Variants in RAB40C observed in about 807,000 individuals in gnomAD.
RAB40C encodes the protein ras-related protein Rab-40C.
Under a neutral mutation model 28.1 loss-of-function variants are expected in RAB40C, and 8 were observed. The ratio of observed to expected loss-of-function variants is 0.28; its 90% CI spans 0.17 to 0.51. The LOEUF is 0.51. Ranked by LOEUF, RAB40C falls within the 20% of genes least tolerant of loss-of-function variation. RAB40C has a pLI of 0.97. For missense variants in RAB40C, 288 were observed against 405.9 expected, an observed-to-expected ratio of 0.71 and a Z score of 2.50; for synonymous variants, 201 against 171.7, an observed-to-expected ratio of 1.17 and a Z score of -1.34.
intron 3 of RAB40C, chr16:624,524 C>T: frequency 1.0e-6 from 1 of 985,442 alleles, no homozygotes; most frequent in East Asian, 1.1e-4. Context: ...TGGGGCTACA[C>T]TTCAGTCTTC....
At chr16:624,866 A>G in intron 3 of RAB40C, 5 of 985,462 alleles carry the variant, frequency 5.1e-6, no homozygotes, top group Non-Finnish European at 4.8e-6. Context: ...GCAGGTGGAA[A>G]CAGCCCAGAG....
chr16:625,591 G>A (rs556248685), intron 4 of RAB40C, 82 bp downstream of exon 4: 60 of 1,402,216 alleles, frequency 4.3e-5, no homozygotes, highest in African/African-American at 3.4e-4. Flanking sequence ...CTGGATTCCC[G>A]CCTGCCGCCC....
chr16:605,335 TC>T (rs1474048951), intron 1 of RAB40C, among the ~76,000 whole-genome samples: 1 of 152,236 alleles, frequency 6.6e-6, no homozygotes, highest in East Asian at 1.9e-4. Flanking sequence ...TTGTCAGCTT[TC>T]CGTCTTTTAA....
intron 1 of RAB40C, among the ~76,000 whole-genome samples, chr16:594,469 C>T (rs1204260552): frequency 1.3e-5 from 2 of 152,160 alleles, no homozygotes; most frequent in Admixed American, 6.5e-5. Context: ...AGCGAGGGCA[C>T]CCTGTGTGGG....
chr16:591,587 C>T (rs548181956), intron 1 of RAB40C, among the ~76,000 whole-genome samples: 5 of 151,522 alleles, frequency 3.3e-5, no homozygotes, highest in Non-Finnish European at 5.9e-5. Context: ...GTTTTCTTTT[C>T]TTTTCTTTCT....
At chr16:596,369 C>A (rs1420472044) in intron 1 of RAB40C, 1 of 455,888 alleles carries the variant, frequency 2.2e-6, no homozygotes, top group Non-Finnish European at 4.4e-6. Context: ...TGCCGCCTAC[C>A]CTGGTCTGGA....
chr16:613,585 G>A (rs1048222711), intron 1 of RAB40C, among the ~76,000 whole-genome samples: 3 of 152,256 alleles, frequency 2.0e-5, no homozygotes, highest in African/African-American at 4.8e-5. Flanking sequence ...TCTGCTGAAC[G>A]ATGATGTGGA....
intron 1 of RAB40C, among the ~76,000 whole-genome samples, chr16:602,367 G>A (rs559433210): frequency 1.3e-4 from 20 of 150,986 alleles, no homozygotes; most frequent in Admixed American, 4.0e-4. Context: ...TGATCCTCCC[G>A]CCTCAGCCTC....
intron 1 of RAB40C, among the ~76,000 whole-genome samples, chr16:591,034 G>A (rs1263470962): frequency 3.3e-5 from 5 of 151,518 alleles, no homozygotes; most frequent in African/African-American, 9.7e-5. Flanking sequence ...GGATCATCTG[G>A]GGTCCGAGGA....
chr16:607,251 C>T (rs1034609631), intron 1 of RAB40C, among the ~76,000 whole-genome samples: 1 of 152,154 alleles, frequency 6.6e-6, no homozygotes, highest in Non-Finnish European at 1.5e-5. Flanking sequence ...CATCCCAGCG[C>T]TTTGGGAGGC....
intron 1 of RAB40C, among the ~76,000 whole-genome samples, chr16:609,182 G>C (rs1373092815): frequency 1.3e-5 from 2 of 152,184 alleles, no homozygotes; most frequent in Admixed American, 1.3e-4. Flanking sequence ...CAGCGGTGCT[G>C]CCACGGCTGG....
At chr16:624,897 C>T in intron 3 of RAB40C, 1 of 1,273,578 alleles carries the variant, frequency 7.9e-7, no homozygotes, top group South Asian at 1.3e-5. Flanking sequence ...AGTAATTGGT[C>T]TCTAAGGGAT....
intron 2 of RAB40C, among the ~76,000 whole-genome samples, 180 bp from the exon 3 acceptor site, chr16:618,020 C>T (rs1369424325): frequency 3.3e-5 from 5 of 152,250 alleles, no homozygotes; most frequent in African/African-American, 1.2e-4. Context: ...CCTGGCTCAG[C>T]GGCACGGCGC....
chr16:593,675 C>G (rs1165637754), intron 1 of RAB40C, among the ~76,000 whole-genome samples: 1 of 152,228 alleles, frequency 6.6e-6, no homozygotes, highest in East Asian at 1.9e-4. Flanking sequence ...TTTCTTAGTA[C>G]TGGCACCTGA....
At chr16:592,120 C>T (rs1042739521) in intron 1 of RAB40C, among the ~76,000 whole-genome samples, 2 of 152,236 alleles carry the variant, frequency 1.3e-5, no homozygotes, top group African/African-American at 2.4e-5. Flanking sequence ...AGTCCATCTG[C>T]GCTTCAGGGA....
chr16:613,108 A>G (rs1477911199), intron 1 of RAB40C, among the ~76,000 whole-genome samples: 6 of 97,240 alleles, frequency 6.2e-5, no homozygotes, highest in Non-Finnish European at 1.1e-4. Context: ...AATCAAGAGC[A>G]AGGGACAGCC....
intron 1 of RAB40C, among the ~76,000 whole-genome samples, chr16:613,139 G>A (rs2036517177): frequency 7.5e-6 from 1 of 134,158 alleles, no homozygotes. Context: ...GTAGAATCAA[G>A]AGCAGGGACA....
At chr16:622,734 G>T (rs995334605) in intron 3 of RAB40C, among the ~76,000 whole-genome samples, 4 of 152,200 alleles carry the variant, frequency 2.6e-5, no homozygotes, top group African/African-American at 7.2e-5. Flanking sequence ...TCCATCTCTT[G>T]ACCTCGTGAT....
intron 1 of RAB40C, among the ~76,000 whole-genome samples, chr16:595,677 A>ACTG (rs2036103501): frequency 6.9e-6 from 1 of 145,834 alleles, no homozygotes; most frequent in African/African-American, 2.6e-5. Context: ...GTCTCGGCTC[A>ACTG]CTGCAAGCTC....
Sources: allele counts gnomAD v4.1 joint callset (sites outside exome capture counted in the v4.1 genomes callset), GRCh38; gene constraint gnomAD v4.1.1; transcripts MANE v1.5; gene names NCBI Gene and HGNC (gene_info 2026-07-23, HGNC 2026-07-21).